The following SPAG16 variants were observed in gnomAD, a reference collection of about 807,000 sequenced individuals.
The protein encoded by SPAG16 is sperm-associated antigen 16 protein.
Under a neutral mutation model 80.4 loss-of-function variants are expected in SPAG16, and 86 were observed. The ratio of observed to expected loss-of-function variants is 1.07; its 90% CI spans 0.90 to 1.28. SPAG16 has a LOEUF of 1.28. Ranked by LOEUF, SPAG16 falls within the 50% of genes most tolerant of loss-of-function variation. The pLI is 0.00. For missense variants in SPAG16, 870 were observed against 765.3 expected (o/e 1.14, Z -1.61); for synonymous variants, 294 against 265.9 (o/e 1.11, Z -1.03).
chr2:214,139,324 T>TA (rs1267098380), intron 14 of SPAG16, among the ~76,000 whole-genome samples: 3 of 152,076 alleles, frequency 2.0e-5, no homozygotes, highest in African/African-American at 7.2e-5. Context: ...AATTATCCCC[T>TA]TTTCCCTGTT....
chr2:214,324,736 T>C (rs993294846), intron 15 of SPAG16, among the ~76,000 whole-genome samples: 6 of 151,818 alleles, frequency 4.0e-5, no homozygotes, highest in African/African-American at 1.5e-4. Context: ...CCCTCCTTTC[T>C]CCTCCTCTAC....
chr2:214,389,087 A>T (rs1700920149), intron 15 of SPAG16, among the ~76,000 whole-genome samples: 1 of 152,210 alleles, frequency 6.6e-6, no homozygotes, highest in Non-Finnish European at 1.5e-5. Flanking sequence ...TTCTCTATAG[A>T]TAAGACAAAC....
intron 10 of SPAG16, among the ~76,000 whole-genome samples, chr2:213,722,289 C>A (rs2066565312): frequency 6.6e-6 from 1 of 152,138 alleles, no homozygotes; most frequent in Admixed American, 6.6e-5. Flanking sequence ...CAAAGTATCT[C>A]TTTTTCTTTT....
intron 10 of SPAG16, among the ~76,000 whole-genome samples, chr2:213,518,818 A>G (rs189706909): frequency 2.0e-4 from 30 of 152,384 alleles, no homozygotes; most frequent in Non-Finnish European, 3.5e-4. Context: ...CATAGAATAG[A>G]CATAGGTGGC....
At chr2:213,512,019 AC>A (rs1054737006) in intron 10 of SPAG16, among the ~76,000 whole-genome samples, 1 of 152,040 alleles carries the variant, frequency 6.6e-6, no homozygotes, top group African/African-American at 2.4e-5. Flanking sequence ...AATATATTAC[AC>A]CCCTTTTATA....
intron 10 of SPAG16, among the ~76,000 whole-genome samples, chr2:213,645,323 A>G (rs970329576): frequency 2.0e-5 from 3 of 152,030 alleles, no homozygotes; most frequent in African/African-American, 7.2e-5. Context: ...AGGGACCCCA[A>G]GAGTCTGCTT....
Position 213,759,810 on chromosome 2 carries a change from G to T in SPAG16, c.1071-102675G>T, listed in dbSNP as rs536892978. Among the ~76,000 whole-genome samples, 10 of 152,304 alleles carry T rather than the reference G, an allele frequency of 6.6e-5. No homozygotes were observed. In the East Asian group the frequency reaches 1.9e-3, roughly 29 times the overall value. ...CCTGCGCTTTGGGAGGCCGAGGTGG[G>T]TGGATCATGAAGTCAGGAGATCGAA... On this transcript the variant is annotated intron_variant, in intron 10 of 15. Coordinates refer to ENST00000331683, the MANE Select transcript of SPAG16 (RefSeq NM_024532.5).
At chr2:214,015,697 G>T (rs1361532015) in intron 13 of SPAG16, among the ~76,000 whole-genome samples, 3 of 152,106 alleles carry the variant, frequency 2.0e-5, no homozygotes, top group Non-Finnish European at 2.9e-5. Context: ...GTATGAGGAG[G>T]CTTGTCTGAA....
chr2:213,675,976 T>C (rs1298151704), intron 10 of SPAG16, among the ~76,000 whole-genome samples: 1 of 152,048 alleles, frequency 6.6e-6, no homozygotes. Context: ...TTACCTTGGG[T>C]AGTATGGCCA....
intron 10 of SPAG16, among the ~76,000 whole-genome samples, chr2:213,804,682 C>CAACT (rs75058174): frequency 0.1 from 14,944 of 148,662 alleles, 844 homozygotes; most frequent in African/African-American, 0.15. Flanking sequence ...GACTCCGTCT[C>CAACT]AACTAACTAA....
Position 213,619,774 on chromosome 2 carries a change from A to G in SPAG16, c.1070+129684A>G, listed in dbSNP as rs566907854. ...ATGGAACTTCCTCAAAAAACTAACA[A>G]TAAAACTCCCATATGATCCAGCAAT... On this transcript the variant is annotated intron_variant, in intron 10 of 15. Coordinates refer to ENST00000331683, the MANE Select transcript of SPAG16 (RefSeq NM_024532.5). 7.9e-5 allele frequency among the ~76,000 whole-genome samples: 12 copies of G among 152,334 alleles called. 1 individual carries two copies. The highest frequency in any genetic ancestry group is 2.6e-4 in the African/African-American group (11 of 41,582).
At chr2:213,676,855 G>A (rs1323050410) in intron 10 of SPAG16, among the ~76,000 whole-genome samples, 1 of 150,652 alleles carries the variant, frequency 6.6e-6, no homozygotes, top group Admixed American at 6.6e-5. Flanking sequence ...TTTTTTGGTT[G>A]TGTCTCTGCC....
At chr2:214,383,997 T>G (rs1406681476) in intron 15 of SPAG16, among the ~76,000 whole-genome samples, 1 of 152,166 alleles carries the variant, frequency 6.6e-6, no homozygotes, top group Non-Finnish European at 1.5e-5. Context: ...TTACTCCAGG[T>G]GATTAATATA....
At chr2:214,404,125 GCA>G (rs1468209373) in intron 15 of SPAG16, among the ~76,000 whole-genome samples, 1 of 152,176 alleles carries the variant, frequency 6.6e-6, no homozygotes, top group Non-Finnish European at 1.5e-5. Context: ...TTGATGGAGA[GCA>G]CAGAGTTCAT....
intron 11 of SPAG16, among the ~76,000 whole-genome samples, chr2:213,904,417 AT>A (rs1175967851): frequency 6.6e-6 from 1 of 152,086 alleles, no homozygotes; most frequent in Non-Finnish European, 1.5e-5. Context: ...TAATGAGACC[AT>A]CAGATATCAA....
intron 15 of SPAG16, among the ~76,000 whole-genome samples, chr2:214,172,689 AG>A (rs2056917644): frequency 6.6e-6 from 1 of 152,056 alleles, no homozygotes; most frequent in African/African-American, 2.4e-5. Flanking sequence ...GACTTCCACA[AG>A]GGTTGAACTA....
At chr2:213,929,436 A>G (rs2078649659) in intron 11 of SPAG16, among the ~76,000 whole-genome samples, 1 of 152,184 alleles carries the variant, frequency 6.6e-6, no homozygotes, top group African/African-American at 2.4e-5. Flanking sequence ...CAGCACTTAA[A>G]CATCTCTTTG....
chr2:213,301,252 G>T (rs1319825399), intron 3 of SPAG16, among the ~76,000 whole-genome samples: 1 of 152,060 alleles, frequency 6.6e-6, no homozygotes, highest in Non-Finnish European at 1.5e-5. Context: ...TTTAGTTAGA[G>T]ACCCAGGCTC....
chr2:213,816,936 C>T (rs1293635924), intron 10 of SPAG16, among the ~76,000 whole-genome samples: 1 of 151,814 alleles, frequency 6.6e-6, no homozygotes, highest in Non-Finnish European at 1.5e-5. Context: ...CAAGAAGAAT[C>T]AGTAGTCAAA....
Sources: gnomAD v4.1 joint callset for allele counts (sites outside exome capture counted in the v4.1 genomes callset) on GRCh38, gnomAD v4.1.1 for gene constraint, MANE v1.5 for transcripts, NCBI Gene and HGNC (gene_info 2026-07-23, HGNC 2026-07-21) for gene names.